Variants in CEP57L1 observed in about 807,000 individuals in gnomAD.
CEP57L1 encodes centrosomal protein CEP57L1.
Under a neutral mutation model 61.0 loss-of-function variants are expected in CEP57L1, and 37 were observed. That is an observed-to-expected ratio of 0.61 (90% CI 0.47 to 0.80). The LOEUF is 0.80. Ranked by LOEUF, CEP57L1 falls within the 30% of genes least tolerant of loss-of-function variation. The pLI is 0.00. For missense variants in CEP57L1, 422 were observed against 524.7 expected (o/e 0.80, Z 1.91); for synonymous variants, 137 against 162.3 (o/e 0.84, Z 1.19).
intron 1 of CEP57L1, among the ~76,000 whole-genome samples, chr6:109,128,382 T>C (rs1773815856): frequency 6.6e-6 from 1 of 152,228 alleles, no homozygotes; most frequent in South Asian, 2.1e-4. Context: ...CGTAAGTTCT[T>C]TTGATTATAT....
intron 1 of CEP57L1, among the ~76,000 whole-genome samples, chr6:109,142,615 T>G (rs1771508836): frequency 6.8e-6 from 1 of 147,656 alleles, no homozygotes; most frequent in Non-Finnish European, 1.5e-5. Flanking sequence ...TAAATAAAAA[T>G]TTTAAGAAAA....
At chr6:109,156,897 TC>T (rs1197454502) in intron 7 of CEP57L1, 1 of 152,152 alleles carries the variant, frequency 6.6e-6, no homozygotes, top group Non-Finnish European at 1.5e-5. Flanking sequence ...CTCTTTCCTT[TC>T]CTAAATATTT....
chr6:109,140,633 C>T (rs1238895286), intron 1 of CEP57L1: 5 of 151,898 alleles, frequency 3.3e-5, no homozygotes, highest in East Asian at 2.0e-4. Context: ...CTCCTGACCT[C>T]GTGATCCGCC....
Position 109,146,949 on chromosome 6 carries a change from A to C in CEP57L1, c.340+12A>C, listed in dbSNP as rs1772029693. On this transcript the variant is annotated intron_variant, in intron 3 of 10. Transcript: ENST00000517392. ...AAAGCAGAAAAAAGGTAAGAAATGC[A>C]GTAGTTCTCAGAAACCGGGGGTTAC... is the stretch of plus-strand genomic sequence containing the variant. 5.0e-6 allele frequency: 8 copies of C among 1,593,470 alleles called. No homozygotes were observed. The highest frequency in any genetic ancestry group is 6.0e-6 in the Non-Finnish European group (7 of 1,173,292).
At chr6:109,148,321 A>G (rs539847681) in intron 3 of CEP57L1, among the ~76,000 whole-genome samples, 1 of 144,440 alleles carries the variant, frequency 6.9e-6, no homozygotes, top group East Asian at 2.1e-4. Flanking sequence ...TCCTGTGTCC[A>G]TGTGTTCTCA....
intron 1 of CEP57L1, among the ~76,000 whole-genome samples, chr6:109,133,726 G>A (rs1774467873): frequency 6.6e-6 from 1 of 151,844 alleles, no homozygotes; most frequent in Non-Finnish European, 1.5e-5. Flanking sequence ...ATGATAAAGG[G>A]GATATCACCA....
Position 109,165,222 on chromosome 6 carries a change from A to C in CEP57L1, c.*2252A>C, listed in dbSNP as rs1774021545. On this transcript the variant is annotated 3_prime_UTR_variant, in exon 11 of 11. Coordinates refer to ENST00000517392, the MANE Select transcript of CEP57L1 (RefSeq NM_001271852.3). The stretch of plus-strand genomic sequence containing the variant: ...TTCAAATTCTGGGACTCTACCATTT[A>C]ATAGCTTGGACAAGTCAGATAACTT... 6.6e-6 allele frequency among the ~76,000 whole-genome samples: 1 copy of C among 152,122 alleles called. No homozygotes were observed. The highest frequency in any genetic ancestry group is 6.6e-5 in the Admixed American group (1 of 15,264).
chr6:109,125,120 A>G (rs1773394519), intron 1 of CEP57L1: 2 of 152,198 alleles, frequency 1.3e-5, no homozygotes, highest in South Asian at 4.1e-4. Context: ...GTGAAGGGGT[A>G]AACAATACAA....
Position 109,169,034 on chromosome 6 carries a change from T to G in CEP57L1, c.*6064T>G, listed in dbSNP as rs1774279841. Among the ~76,000 whole-genome samples, 1 of 151,462 alleles carries G rather than the reference T, an allele frequency of 6.6e-6. No homozygotes were observed. Among genetic ancestry groups the G allele is most frequent in the Admixed American group, 6.6e-5 (1 of 15,212 alleles). On this transcript the variant is annotated 3_prime_UTR_variant, in exon 11 of 11. Coordinates refer to ENST00000517392, the MANE Select transcript of CEP57L1 (RefSeq NM_001271852.3). ...TGAGCTCAGGAGTTCAAGACCACCC[T>G]GGGCGACATGGTGAAATCCCATCTC...
rs531072174 is a variant in CEP57L1 at position 109,159,313 on chromosome 6, C to A, written c.867C>A (p.Asn289Lys). The A allele has an allele frequency of 2.5e-6, 4 of 1,613,962 alleles. No individual in the cohort carries two copies. Among genetic ancestry groups the A allele is most frequent in the Admixed American group, 1.7e-5 (1 of 59,976 alleles). ...RDPHILQKPF[N>K]VTETRCLPKP... Reference sequence around the variant, plus strand: ...CACATATCCTTCAGAAACCTTTTAACGTGACTGAGACTAGATGTCTCCCCA... The same window carrying A: ...CACATATCCTTCAGAAACCTTTTAAAGTGACTGAGACTAGATGTCTCCCCA... The change falls in exon 9 of 11, where the codon AAC (asparagine) becomes AAA (lysine). Residue 289 changes from asparagine (N) to lysine (K), a missense_variant. Physicochemically the swap from Asn to Lys is moderately conservative, Grantham distance 94 (BLOSUM62 0). Transcript: ENST00000517392.
chr6:109,103,014 A>G (rs1770511408), intron 1 of CEP57L1, among the ~76,000 whole-genome samples: 1 of 152,196 alleles, frequency 6.6e-6, no homozygotes, highest in African/African-American at 2.4e-5. Flanking sequence ...TCTCCAATTG[A>G]ATTACCTTGT....
chr6:109,118,547 C>T (rs1000872701), intron 1 of CEP57L1, among the ~76,000 whole-genome samples: 6 of 152,198 alleles, frequency 3.9e-5, no homozygotes, highest in East Asian at 3.8e-4. Context: ...ATTACTTGAG[C>T]CTTTCAAAAC....
intron 1 of CEP57L1, 48 bp downstream of exon 1, chr6:109,095,623 C>G: frequency 1.0e-6 from 1 of 974,924 alleles, no homozygotes; most frequent in Non-Finnish European, 1.2e-6. Flanking sequence ...AGGGTTTTTC[C>G]TTCCTCCATT....
intron 10 of CEP57L1, 55 bp from the exon 11 acceptor site, chr6:109,162,694 G>A: frequency 1.8e-6 from 2 of 1,128,642 alleles, no homozygotes; most frequent in South Asian, 1.4e-5. Flanking sequence ...ATCTATTTTG[G>A]AATATATTTT....
intron 1 of CEP57L1, among the ~76,000 whole-genome samples, chr6:109,097,131 A>C: frequency 6.6e-6 from 1 of 152,234 alleles, no homozygotes; most frequent in East Asian, 1.9e-4. Flanking sequence ...TGAAAGCTAA[A>C]CATTATTCTT....
At chr6:109,108,661 T>C (rs1267923881) in intron 1 of CEP57L1, among the ~76,000 whole-genome samples, 2 of 152,208 alleles carry the variant, frequency 1.3e-5, no homozygotes, top group African/African-American at 4.8e-5. Context: ...CTATTTCTTG[T>C]TCCAAAATAA....
chr6:109,135,247 A>C (rs1774717643), intron 1 of CEP57L1, among the ~76,000 whole-genome samples: 1 of 152,222 alleles, frequency 6.6e-6, no homozygotes, highest in Admixed American at 6.5e-5. Flanking sequence ...CAGAGCCGTC[A>C]GAAATAATGC....
intron 9 of CEP57L1, among the ~76,000 whole-genome samples, chr6:109,160,251 TA>T (rs1167111483): frequency 1.3e-5 from 2 of 152,188 alleles, no homozygotes; most frequent in Non-Finnish European, 2.9e-5. Flanking sequence ...CCTATATCAA[TA>T]ACGAGGAAGA....
chr6:109,100,389 A>AG (rs1181289067), intron 1 of CEP57L1: 1 of 152,086 alleles, frequency 6.6e-6, no homozygotes, highest in Non-Finnish European at 1.5e-5. Context: ...CCTAAAAAAA[A>AG]CAAAGCCGGG....
Sources: gnomAD v4.1 joint callset for allele counts (sites outside exome capture counted in the v4.1 genomes callset) on GRCh38, gnomAD v4.1.1 for gene constraint, MANE v1.5 for transcripts, NCBI Gene and HGNC (gene_info 2026-07-23, HGNC 2026-07-21) for gene names.